Variants in MAP2K1 observed in about 807,000 individuals in gnomAD.
The protein encoded by MAP2K1 is mitogen-activated protein kinase kinase 1.
MAP2K1 carries 16 observed loss-of-function variants against 46.3 expected under a neutral mutation model. The ratio of observed to expected loss-of-function variants is 0.35; its 90% CI spans 0.23 to 0.52. MAP2K1 has a LOEUF of 0.52. MAP2K1 is among the 20% of genes least tolerant of loss of function. MAP2K1 has a pLI of 0.94. For synonymous variants in MAP2K1, 183 were observed against 185.6 expected, an observed-to-expected ratio of 0.99 and a Z score of 0.11; for missense variants, 263 against 497.1, an observed-to-expected ratio of 0.53 and a Z score of 4.48.
chr15:66,448,470 T>C (rs1412429173), intron 5 of MAP2K1, among the ~76,000 whole-genome samples: 1 of 152,136 alleles, frequency 6.6e-6, no homozygotes, highest in Non-Finnish European at 1.5e-5. Context: ...AGAGGAGTAA[T>C]GGCAGCTTGT....
chr15:66,481,840 C>A lies in MAP2K1; in HGVS notation c.654C>A (p.Ser218=), dbSNP rs2140668041. The change falls in exon 6 of 11, where the codon TCC becomes TCA. Residue 218 remains serine, a synonymous_variant. Coordinates refer to ENST00000307102, the MANE Select transcript of MAP2K1 (RefSeq NM_002755.4). ...DFGVSGQLID[S]MANSFVGTRS... ...GGGTCAGCGGGCAGCTCATCGACTC[C>A]ATGGCCAACTCCTTCGTGGGCACAA... 1 of 1,614,092 alleles carries A rather than the reference C, an allele frequency of 6.2e-7. No homozygotes were observed. The highest frequency in any genetic ancestry group is 8.5e-7 in the Non-Finnish European group (1 of 1,179,986).
chr15:66,407,194 C>T (rs543026027), intron 1 of MAP2K1, among the ~76,000 whole-genome samples: 139 of 152,032 alleles, frequency 9.1e-4, no homozygotes, highest in Non-Finnish European at 1.7e-3. Flanking sequence ...TTGGAGTCAA[C>T]AGGCCTGAAT....
chr15:66,456,612 T>A (rs187387224), intron 5 of MAP2K1, among the ~76,000 whole-genome samples: 2 of 152,326 alleles, frequency 1.3e-5, no homozygotes, highest in East Asian at 3.9e-4. Context: ...CCAGAGAAAG[T>A]ACTCCACCCA....
intron 3 of MAP2K1, among the ~76,000 whole-genome samples, chr15:66,437,330 G>A (rs115721495): frequency 2.0e-4 from 31 of 152,308 alleles, no homozygotes; most frequent in Admixed American, 5.9e-4. Context: ...GCACGTTAGT[G>A]GAAGGAGAGG....
intron 5 of MAP2K1, among the ~76,000 whole-genome samples, chr15:66,455,193 C>T (rs979228391): frequency 2.6e-5 from 4 of 152,202 alleles, no homozygotes; most frequent in African/African-American, 9.6e-5. Flanking sequence ...AGCATCCTCT[C>T]CTGCTCAGTG....
chr15:66,488,974 T>A, intron 8 of MAP2K1: 2 of 593,324 alleles, frequency 3.4e-6, no homozygotes, highest in Admixed American at 2.9e-5. Flanking sequence ...TGAGTGGACT[T>A]GACTTGGTCC....
At chr15:66,430,552 T>G (rs1239533306) in intron 1 of MAP2K1, among the ~76,000 whole-genome samples, 1 of 152,140 alleles carries the variant, frequency 6.6e-6, no homozygotes, top group African/African-American at 2.4e-5. Context: ...CTAAATTCAG[T>G]GACCATCAGG....
intron 5 of MAP2K1, among the ~76,000 whole-genome samples, chr15:66,475,226 G>C (rs1315089203): frequency 6.6e-6 from 1 of 152,160 alleles, no homozygotes; most frequent in Admixed American, 6.5e-5. Context: ...ACTCATCCAG[G>C]TCAGCTCCCT....
intron 1 of MAP2K1, among the ~76,000 whole-genome samples, chr15:66,417,683 T>G (rs1308474470): frequency 6.6e-6 from 1 of 152,076 alleles, no homozygotes; most frequent in East Asian, 1.9e-4. Context: ...GGGGTAGGGT[T>G]TTTTCCCAGA....
At chr15:66,412,543 AC>A (rs1056893706) in intron 1 of MAP2K1, among the ~76,000 whole-genome samples, 6 of 152,198 alleles carry the variant, frequency 3.9e-5, no homozygotes, top group Admixed American at 3.9e-4. Flanking sequence ...TAATTTTTAC[AC>A]TTACCCAGAT....
chr15:66,473,993 A>G (rs777416063), intron 5 of MAP2K1, among the ~76,000 whole-genome samples: 1 of 152,114 alleles, frequency 6.6e-6, no homozygotes, highest in East Asian at 1.9e-4. Context: ...AAAAATTTAG[A>G]TAATTTATTG....
chr15:66,475,221 T>C (rs886747991), intron 5 of MAP2K1, among the ~76,000 whole-genome samples: 38 of 152,210 alleles, frequency 2.5e-4, no homozygotes, highest in African/African-American at 7.7e-4. Flanking sequence ...ATTTGACTCA[T>C]CCAGGTCAGC....
chr15:66,432,315 A>AG (rs2093476827), intron 1 of MAP2K1, among the ~76,000 whole-genome samples: 1 of 152,320 alleles, frequency 6.6e-6, no homozygotes, highest in Admixed American at 6.5e-5. Flanking sequence ...ATTAGCTGGT[A>AG]GGGTGGGTGG....
intron 5 of MAP2K1, among the ~76,000 whole-genome samples, chr15:66,460,670 T>C (rs868300231): frequency 6.6e-6 from 1 of 152,054 alleles, no homozygotes; most frequent in Non-Finnish European, 1.5e-5. Flanking sequence ...TGAGATGTGC[T>C]GTGGTTTAAG....
At chr15:66,415,978 C>T (rs1423854281) in intron 1 of MAP2K1, among the ~76,000 whole-genome samples, 2 of 152,108 alleles carry the variant, frequency 1.3e-5, no homozygotes, top group African/African-American at 4.8e-5. Context: ...AGTCAAATTA[C>T]AGAAGTCACC....
At chr15:66,441,636 T>G (rs1037753350) in intron 3 of MAP2K1, among the ~76,000 whole-genome samples, 1 of 152,106 alleles carries the variant, frequency 6.6e-6, no homozygotes, top group Non-Finnish European at 1.5e-5. Flanking sequence ...CATTCAACTG[T>G]TTGTTCCCTG....
intron 5 of MAP2K1, chr15:66,445,041 A>G: frequency 7.0e-6 from 2 of 286,294 alleles, no homozygotes; most frequent in Non-Finnish European, 1.3e-5. Context: ...GCCTAAAGCC[A>G]GGACTGGCCA....
chr15:66,405,608 A>AT (rs2093394589), intron 1 of MAP2K1, among the ~76,000 whole-genome samples: 1 of 152,084 alleles, frequency 6.6e-6, no homozygotes, highest in South Asian at 2.1e-4. Context: ...TGCCTGTTAG[A>AT]TTTTCCCATG....
At chr15:66,488,657 C>CT (rs907009182) in intron 8 of MAP2K1, 2 of 188,478 alleles carry the variant, frequency 1.1e-5, no homozygotes, top group African/African-American at 4.8e-5. Context: ...ATCCAGCCCT[C>CT]TGTCAGTTAA....
Sources: allele counts gnomAD v4.1 joint callset (sites outside exome capture counted in the v4.1 genomes callset), GRCh38; gene constraint gnomAD v4.1.1; transcripts MANE v1.5; gene names NCBI Gene and HGNC (gene_info 2026-07-23, HGNC 2026-07-21).